The following KHDC1 variants were observed in gnomAD, a reference collection of about 807,000 sequenced individuals.
KHDC1 encodes the protein KH domain containing 1.
A neutral mutation model predicts 24.7 loss-of-function variants in KHDC1; 21 were observed. That is an observed-to-expected ratio of 0.85 (90% CI 0.60 to 1.23). The LOEUF (loss-of-function observed/expected upper bound fraction) is 1.23, where lower values mean the gene tolerates loss of function less well. Ranked by LOEUF, KHDC1 falls within the 50% of genes most tolerant of loss-of-function variation. The pLI is 0.00. For missense variants in KHDC1, 274 were observed against 298.5 expected (o/e 0.92, Z 0.61); for synonymous variants, 98 against 111.7 (o/e 0.88, Z 0.77).
chr6:73,302,997 A>C (rs1006423658), intron 1 of KHDC1, among the ~76,000 whole-genome samples: 1 of 152,208 alleles, frequency 6.6e-6, no homozygotes, highest in African/African-American at 2.4e-5. Flanking sequence ...GAATTGCTTG[A>C]ACCCAAGAGG....
At chr6:73,307,560 T>A (rs554789396) in intron 1 of KHDC1, among the ~76,000 whole-genome samples, 108 of 152,330 alleles carry the variant, frequency 7.1e-4, no homozygotes, top group African/African-American at 2.5e-3. Flanking sequence ...CCTGTCCTCA[T>A]CTTTCATGGC....
In KHDC1 at chr6:73,281,617, C is replaced by CA. The variant is rs58163019; in HGVS notation, c.206+10380dup. Among the ~76,000 whole-genome samples the CA allele has an allele frequency of 8.0e-3, 748 of 93,510 alleles. 4 individuals carry two copies. The highest frequency in any genetic ancestry group is 0.045 in the East Asian group (150 of 3,300). The allele number at this position is 93,510 out of a possible 152,430, so 61.3% of individuals were successfully genotyped here. A position where few individuals can be genotyped will look rare whatever the true frequency, so the allele number is the denominator to read the frequency against. On this transcript the variant is annotated intron_variant, in intron 2 of 4. Transcript: ENST00000370384. ...GGGCAGTAAGAGTGAAACTTCGTCT[C>CA]AAAAAAAAAAAAAAAAAAATGGGTT...
chr6:73,251,115 T>C (rs1332031254), intron 2 of KHDC1, among the ~76,000 whole-genome samples: 3 of 152,188 alleles, frequency 2.0e-5, no homozygotes, highest in African/African-American at 4.8e-5. Flanking sequence ...GCTGAGCCAC[T>C]GTGCCCAGCC....
chr6:73,242,651 G>A (rs1582548056), intron 2 of KHDC1, 121 bp from the exon 2 acceptor site: 1 of 1,220,606 alleles, frequency 8.2e-7, no homozygotes, highest in Admixed American at 2.3e-5. Flanking sequence ...AACTACCTTA[G>A]GGTGGGTGTA....
At chr6:73,265,552 A>G (rs1047664477) in intron 2 of KHDC1, among the ~76,000 whole-genome samples, 4 of 138,212 alleles carry the variant, frequency 2.9e-5, no homozygotes, top group Admixed American at 1.5e-4. Flanking sequence ...AAAAAAAAAA[A>G]GTAACGTGAC....
At chr6:73,266,862 T>A (rs2150582930) in intron 2 of KHDC1, among the ~76,000 whole-genome samples, 1 of 152,246 alleles carries the variant, frequency 6.6e-6, no homozygotes, top group South Asian at 2.1e-4. Flanking sequence ...ATGTATCTGA[T>A]AAGAGATTAA....
chr6:73,278,703 TG>T (rs1767348493), intron 2 of KHDC1, among the ~76,000 whole-genome samples: 1 of 152,214 alleles, frequency 6.6e-6, no homozygotes, highest in South Asian at 2.1e-4. Flanking sequence ...TTTGTTTTAT[TG>T]TTGTTAATTT....
intron 2 of KHDC1, among the ~76,000 whole-genome samples, chr6:73,257,601 G>A (rs1191499805): frequency 6.6e-6 from 1 of 151,944 alleles, no homozygotes; most frequent in Non-Finnish European, 1.5e-5. Flanking sequence ...GTTTCACCAT[G>A]TTGGCCAGGA....
intron 2 of KHDC1, among the ~76,000 whole-genome samples, chr6:73,289,634 A>G (rs1305864392): frequency 6.6e-6 from 1 of 151,654 alleles, no homozygotes; most frequent in Non-Finnish European, 1.5e-5. Flanking sequence ...TGGGTGACAG[A>G]GTAAGACCCT....
chr6:73,258,164 A>G (rs1035192499), intron 2 of KHDC1, among the ~76,000 whole-genome samples: 1 of 152,228 alleles, frequency 6.6e-6, no homozygotes, highest in Non-Finnish European at 1.5e-5. Context: ...CTGAGGCAGG[A>G]GAATCACTTG....
rs753386793 is a variant in KHDC1, at chr6:73,264,918, G to A, written c.207-22388C>T. 1.1e-4 allele frequency among the ~76,000 whole-genome samples: 17 copies of A among 152,160 alleles called. No individual in the cohort carries two copies. The South Asian group carries it at 1.9e-3, about 17-fold the overall frequency. On this transcript the variant is annotated intron_variant, in intron 2 of 4. Transcript: ENST00000370384. ...TGAGCACACAACTTCAAGTAAGCCCGGAGATGATTACCTGTAGTTTCTGCT... is the reference window on the plus strand; with the variant it reads ...TGAGCACACAACTTCAAGTAAGCCCAGAGATGATTACCTGTAGTTTCTGCT...
chr6:73,309,117 G>C (rs1768030665), intron 1 of KHDC1, among the ~76,000 whole-genome samples: 2 of 152,232 alleles, frequency 1.3e-5, no homozygotes, highest in Admixed American at 1.3e-4. Flanking sequence ...CAACGCGCCT[G>C]GCAGTTTGCA....
chr6:73,243,425 C>A (rs1471756106), intron 2 of KHDC1, among the ~76,000 whole-genome samples: 1 of 152,190 alleles, frequency 6.6e-6, no homozygotes, highest in East Asian at 1.9e-4. Context: ...CAGATCTACA[C>A]CATTGTCAGA....
intron 2 of KHDC1, among the ~76,000 whole-genome samples, chr6:73,245,183 C>T (rs1766644172): frequency 6.6e-6 from 1 of 152,104 alleles, no homozygotes; most frequent in African/African-American, 2.4e-5. Flanking sequence ...GGTGAAGTAT[C>T]TACTTGGTGT....
chr6:73,263,005 T>A, intron 2 of KHDC1: 5 of 1,016,416 alleles, frequency 4.9e-6, no homozygotes, highest in Non-Finnish European at 5.9e-6. Context: ...GAGGTGAGGG[T>A]GGCGCGCCGC....
intron 2 of KHDC1, among the ~76,000 whole-genome samples, chr6:73,272,856 C>CTTTTTTTTTTTTTTT (rs1158620688): frequency 7.4e-6 from 1 of 135,270 alleles, no homozygotes; most frequent in Non-Finnish European, 1.5e-5. Context: ...CTTTTCTTTT[C>CTTTTTTTTTTTTTTT]TTTTTCTTTT....
chr6:73,266,169 G>C (rs1013241181), intron 2 of KHDC1, among the ~76,000 whole-genome samples: 1 of 152,160 alleles, frequency 6.6e-6, no homozygotes, highest in Non-Finnish European at 1.5e-5. Flanking sequence ...AAAATCCAAA[G>C]ATTAGTTGTG....
chr6:73,241,817 AGGAT>A, intron 4 of KHDC1, 89 bp from the exon 4 acceptor site: 1 of 1,420,318 alleles, frequency 7.0e-7, no homozygotes, highest in Non-Finnish European at 9.7e-7. Context: ...GGCTGCAGGG[AGGAT>A]GTCACCCCAG....
chr6:73,244,537 G>A (rs1039932573), intron 2 of KHDC1, among the ~76,000 whole-genome samples: 7 of 152,076 alleles, frequency 4.6e-5, no homozygotes, highest in African/African-American at 1.5e-4. Flanking sequence ...GCCTTTTGAA[G>A]TGTTGAATAG....
Sources: allele counts gnomAD v4.1 joint callset (sites outside exome capture counted in the v4.1 genomes callset), GRCh38; gene constraint gnomAD v4.1.1; transcripts MANE v1.5; gene names NCBI Gene and HGNC (gene_info 2026-07-23, HGNC 2026-07-21).